Variants in ABCA1 observed in about 807,000 individuals in gnomAD.
ABCA1 encodes the protein ATP binding cassette subfamily A member 1.
In ABCA1, 133 loss-of-function variants were observed where a neutral mutation model predicts 262.5. The ratio of observed to expected loss-of-function variants is 0.51; its 90% CI spans 0.44 to 0.59. The LOEUF (loss-of-function observed/expected upper bound fraction) is 0.59. ABCA1 is among the 20% of genes least tolerant of loss of function. ABCA1 has a pLI of 0.00. For synonymous variants in ABCA1, 1,022 were observed against 1,043.5 expected (o/e 0.98, Z 0.40); for missense variants, 2,452 against 2,777.5 (o/e 0.88, Z 2.63).
rs1296359172 is a variant in ABCA1 at position 104,852,157 on chromosome 9, A to G, written c.720+6365T>C. On this transcript the variant is annotated intron_variant, in intron 7 of 49. Coordinates refer to ENST00000374736, the MANE Select transcript of ABCA1 (RefSeq NM_005502.4). ...TAAAGTAGACAAAAATCTCTACTTC[A>G]CTTTGACCATATGCAAAATCCAACT... Among the ~76,000 whole-genome samples the G allele has an allele frequency of 2.0e-5, 3 of 152,238 alleles. No individual in the cohort carries two copies. The East Asian group carries it at 5.8e-4, about 29-fold the overall frequency.
chr9:104,906,750 CAAA>C (rs35167860), intron 1 of ABCA1, among the ~76,000 whole-genome samples: 6 of 83,014 alleles, frequency 7.2e-5, no homozygotes, highest in East Asian at 3.4e-4. Flanking sequence ...AAACCAAAAT[CAAA>C]AAAAAAAAAA....
rs577638673 is a variant in ABCA1, at chr9:104,863,307, TCTC to T, written c.422-1510_422-1508del. 3.5e-3 allele frequency among the ~76,000 whole-genome samples: 538 copies of T among 152,298 alleles called. 1 individual carries two copies. The highest frequency in any genetic ancestry group is 5.6e-3 in the Admixed American group (85 of 15,306). On this transcript the variant is annotated intron_variant, in intron 5 of 49. Transcript: ENST00000374736. ...TCATCTCATTTGGCTGTCTACCTCT[TCTC>T]CTTCCAACCCACTCTCCTAACAGCC...
At chr9:104,868,854 G>A (rs1837325020) in intron 5 of ABCA1, among the ~76,000 whole-genome samples, 1 of 152,148 alleles carries the variant, frequency 6.6e-6, no homozygotes, top group African/African-American at 2.4e-5. Context: ...AGGCCTCTGG[G>A]ACCAAGCTGA....
intron 5 of ABCA1, among the ~76,000 whole-genome samples, chr9:104,872,680 C>A (rs574945693): frequency 6.6e-6 from 1 of 152,176 alleles, no homozygotes; most frequent in Non-Finnish European, 1.5e-5. Context: ...CTGAGATTGC[C>A]TTTTGGTGCC....
At chr9:104,867,423 AT>A (rs1284129590) in intron 5 of ABCA1, among the ~76,000 whole-genome samples, 10 of 152,234 alleles carry the variant, frequency 6.6e-5, no homozygotes, top group Non-Finnish European at 1.5e-4. Flanking sequence ...ATCTGAACAG[AT>A]TCATGGCTAA....
At chr9:104,915,837 G>C (rs1284090396) in intron 1 of ABCA1, among the ~76,000 whole-genome samples, 3 of 152,268 alleles carry the variant, frequency 2.0e-5, no homozygotes, top group African/African-American at 7.2e-5. Context: ...GTTTACATCA[G>C]GTGAGAGCTG....
chr9:104,896,709 A>ATTTTTTTTTTTTTTTT (rs1564270342), intron 2 of ABCA1, among the ~76,000 whole-genome samples: 1 of 78,274 alleles, frequency 1.3e-5, no homozygotes, highest in Admixed American at 1.8e-4. Context: ...CTCCCTACAC[A>ATTTTTTTTTTTTTTTT]TCTTTTTTTT....
rs547443918 is a variant in ABCA1, at chr9:104,786,758, A to G, written c.6308+115T>C. 409 of 985,516 alleles carry G rather than the reference A, an allele frequency of 4.2e-4. 3 individuals carry two copies. The South Asian group carries it at 5.2e-3, about 12-fold the overall frequency. The allele number at this position is 985,516 out of a possible 1,614,324, so 61.0% of individuals were successfully genotyped here. ...GAATATGCATATATAATTTCAGGTA[A>G]TAATTGTTTTACTCTTTGCTTTTCT... On this transcript the variant is annotated intron_variant, in intron 47 of 49. Coordinates refer to ENST00000374736, the MANE Select transcript of ABCA1 (RefSeq NM_005502.4).
chr9:104,851,480 C>T (rs1835371404), intron 7 of ABCA1, among the ~76,000 whole-genome samples: 1 of 152,220 alleles, frequency 6.6e-6, no homozygotes, highest in South Asian at 2.1e-4. Flanking sequence ...CTAAATGCCA[C>T]CTTCTCTTCC....
At chr9:104,810,199 A>G (rs1384629504) in intron 29 of ABCA1, among the ~76,000 whole-genome samples, 2 of 145,972 alleles carry the variant, frequency 1.4e-5, no homozygotes, top group Non-Finnish European at 3.0e-5. Context: ...TCCCTTTTGT[A>G]TCACTGACAC....
chr9:104,913,953 AC>A (rs1355327148), intron 1 of ABCA1, among the ~76,000 whole-genome samples: 1 of 134,318 alleles, frequency 7.4e-6, no homozygotes, highest in African/African-American at 2.6e-5. Flanking sequence ...CCGCCTGCCA[AC>A]ACGCCCGGCT....
intron 37 of ABCA1, 47 bp downstream of exon 37, chr9:104,798,374 A>C: frequency 6.3e-7 from 1 of 1,598,130 alleles, no homozygotes; most frequent in East Asian, 2.2e-5. Flanking sequence ...ATATCAATCC[A>C]TGGCCCTGAC....
intron 1 of ABCA1, among the ~76,000 whole-genome samples, chr9:104,912,799 C>A (rs1356163507): frequency 6.7e-6 from 1 of 149,912 alleles, no homozygotes. Flanking sequence ...AAGAAATCAA[C>A]CTTTCAACAT....
chr9:104,885,365 GT>G (rs1196150295), intron 3 of ABCA1, among the ~76,000 whole-genome samples: 1 of 152,150 alleles, frequency 6.6e-6, no homozygotes, highest in African/African-American at 2.4e-5. Context: ...CACACCTGCG[GT>G]TAGATTGGAA....
chr9:104,911,373 T>C (rs149359035), intron 1 of ABCA1, among the ~76,000 whole-genome samples: 2 of 152,350 alleles, frequency 1.3e-5, no homozygotes, highest in East Asian at 3.9e-4. Context: ...TCTCTGATCA[T>C]GTGTCTTTGG....
chr9:104,826,912 G>A lies in ABCA1; in HGVS notation c.2337+36C>T. ...CAGGGACTCCAAAGGAAGGTCAAAT[G>A]CCTACAGCCACTGAAGAAAGGCCAG... On this transcript the variant is annotated intron_variant, in intron 16 of 49. Coordinates refer to ENST00000374736, the MANE Select transcript of ABCA1 (RefSeq NM_005502.4). 3 of 1,584,690 alleles carry A rather than the reference G, an allele frequency of 1.9e-6. No individual in the cohort carries two copies. In the South Asian group the frequency reaches 3.3e-5, roughly 18 times the overall value.
intron 9 of ABCA1, 128 bp from the exon 10 acceptor site, chr9:104,837,695 T>C: frequency 8.9e-7 from 1 of 1,123,936 alleles, no homozygotes; most frequent in Non-Finnish European, 1.3e-6. Flanking sequence ...ATATAATAAG[T>C]AACTTATCTG....
chr9:104,790,122 C>T (rs1829300111), intron 44 of ABCA1, among the ~76,000 whole-genome samples: 1 of 151,748 alleles, frequency 6.6e-6, no homozygotes, highest in African/African-American at 2.4e-5. Flanking sequence ...CAGAGAAGCC[C>T]CACATATTTA....
chr9:104,782,490 A>C lies in ABCA1; in HGVS notation c.*1825T>G, dbSNP rs917390496. On this transcript the variant is annotated 3_prime_UTR_variant, in exon 50 of 50. Coordinates refer to ENST00000374736, the MANE Select transcript of ABCA1 (RefSeq NM_005502.4). ...AACTTCCCCAAACAATAGTTCTCTC[A>C]TATTTTTCTTTTCTCTCAAGACAGT... The C allele has an allele frequency of 5.3e-5, 8 of 152,286 alleles. No individual in the cohort carries two copies. The highest frequency in any genetic ancestry group is 1.4e-4 in the African/African-American group (6 of 41,578). 9.4% of individuals were successfully genotyped at this position (152,286 alleles called of 1,614,324 possible).
Sources: allele counts gnomAD v4.1 joint callset (sites outside exome capture counted in the v4.1 genomes callset), GRCh38; gene constraint gnomAD v4.1.1; transcripts MANE v1.5; gene names NCBI Gene and HGNC (gene_info 2026-07-23, HGNC 2026-07-21).